TENM3: variants seen among roughly 807,000 people sequenced by gnomAD.
The protein encoded by TENM3 is teneurin-3.
In TENM3, 63 loss-of-function variants were observed where a neutral mutation model predicts 255.1. The ratio of observed to expected loss-of-function variants is 0.25; its 90% CI spans 0.20 to 0.30. The LOEUF is 0.30. TENM3 is among the 10% of genes least tolerant of loss of function. TENM3 has a pLI of 1.00. For missense variants in TENM3, 2,929 were observed against 3,461.1 expected (o/e 0.85, Z 3.86); for synonymous variants, 1,306 against 1,322.3 (o/e 0.99, Z 0.27).
At chr4:182,119,431 C>T in the TENM3 span, among the ~76,000 whole-genome samples, 1 of 151,974 alleles carries the variant, frequency 6.6e-6, no homozygotes, top group East Asian at 2.0e-4. Context: ...AGCAATTCAT[C>T]AATTACGGTT....
At chr4:182,113,142 G>GT in the TENM3 span, among the ~76,000 whole-genome samples, 15 of 152,202 alleles carry the variant, frequency 9.9e-5, no homozygotes, top group Non-Finnish European at 2.9e-5. Context: ...AGTCGGTGCA[G>GT]TTTAACAAAG....
chr4:182,616,536 A>G (rs1336302126), intron 4 of TENM3, among the ~76,000 whole-genome samples: 1 of 150,334 alleles, frequency 6.7e-6, no homozygotes, highest in Non-Finnish European at 1.5e-5. Context: ...AAAAAAAAAA[A>G]AAAGGTCAGG....
intron 3 of TENM3, among the ~76,000 whole-genome samples, chr4:182,400,981 C>T (rs1212944333): frequency 6.6e-6 from 1 of 152,316 alleles, no homozygotes; most frequent in Non-Finnish European, 1.5e-5. Flanking sequence ...CAACCCCGTG[C>T]TGCTGGTGCG....
At chr4:182,011,422 C>A in the TENM3 span, among the ~76,000 whole-genome samples, 2 of 152,158 alleles carry the variant, frequency 1.3e-5, no homozygotes, top group Non-Finnish European at 2.9e-5. Flanking sequence ...TATCTCACCA[C>A]AACTCTGATC....
At chr4:181,636,605 CTCTTGGCGCT>C in the TENM3 span, among the ~76,000 whole-genome samples, 1 of 152,188 alleles carries the variant, frequency 6.6e-6, no homozygotes, top group African/African-American at 2.4e-5. Context: ...TCAGCAGTTA[CTCTTGGCGCT>C]ACCTTCTTGA....
intron 3 of TENM3, among the ~76,000 whole-genome samples, chr4:182,517,257 A>T (rs1738064170): frequency 1.3e-5 from 2 of 152,150 alleles, no homozygotes; most frequent in African/African-American, 2.4e-5. Flanking sequence ...AAAAGTAGGG[A>T]AAAGGCTTCT....
the TENM3 span, among the ~76,000 whole-genome samples, chr4:181,577,131 T>C: frequency 2.3e-4 from 31 of 134,476 alleles, no homozygotes; most frequent in Non-Finnish European, 4.2e-4. Context: ...TTATGTGTAA[T>C]AATATAATAT....
In TENM3 at chr4:182,326,978, C is replaced by T. The variant is rs77373989; in HGVS notation, c.232+2726C>T. 4.8e-4 allele frequency among the ~76,000 whole-genome samples: 73 copies of T among 152,200 alleles called. 2 individuals carry two copies. The Middle Eastern group carries it at 0.01, about 21-fold the overall frequency. On this transcript the variant is annotated intron_variant, in intron 2 of 27. Coordinates refer to ENST00000511685, the MANE Select transcript of TENM3 (RefSeq NM_001080477.4). ...GAGGACGAGTGTGAGGGTGGCGTTG[C>T]GGATGCTTTCTCCTTCCTGTGGTTT...
At chr4:182,325,427 A>G (rs1440963907) in intron 2 of TENM3, among the ~76,000 whole-genome samples, 1 of 152,190 alleles carries the variant, frequency 6.6e-6, no homozygotes, top group Non-Finnish European at 1.5e-5. Context: ...AGATTTTTAT[A>G]CCCTAAAGCA....
the TENM3 span, among the ~76,000 whole-genome samples, chr4:182,006,755 C>T: frequency 1.3e-5 from 2 of 151,174 alleles, no homozygotes; most frequent in South Asian, 2.1e-4. Context: ...TCTTAGTTAT[C>T]GTATCTTCTG....
intron 1 of TENM3, among the ~76,000 whole-genome samples, chr4:182,250,436 G>C (rs1757943628): frequency 6.6e-6 from 1 of 152,118 alleles, no homozygotes; most frequent in Admixed American, 6.6e-5. Flanking sequence ...ATGAGGAAAT[G>C]GAATAGAAAG....
At chr4:181,918,908 A>T in the TENM3 span, among the ~76,000 whole-genome samples, 1 of 152,200 alleles carries the variant, frequency 6.6e-6, no homozygotes, top group Non-Finnish European at 1.5e-5. Context: ...AATAAATTCA[A>T]AAAATAATTA....
chr4:182,365,848 G>C (rs72699922), intron 3 of TENM3, among the ~76,000 whole-genome samples: 3,710 of 152,174 alleles, frequency 0.024, 99 homozygotes, highest in African/African-American at 0.06. Flanking sequence ...CTATATCTAG[G>C]CTACATGGTA....
the TENM3 span, among the ~76,000 whole-genome samples, chr4:181,638,544 G>T: frequency 6.6e-6 from 1 of 152,192 alleles, no homozygotes; most frequent in African/African-American, 2.4e-5. Flanking sequence ...AAATCCTGAA[G>T]TCCAAAGATC....
the TENM3 span, chr4:181,523,041 G>A: frequency 4.6e-5 from 28 of 603,470 alleles, no homozygotes; most frequent in Admixed American, 7.6e-5. Context: ...AAGGGAAATC[G>A]CAAACGGACT....
Position 182,482,316 on chromosome 4 carries a change from T to TA in TENM3, c.512-118607dup, listed in dbSNP as rs1412529277. ...TTTCAAAATAAGGATAAAGTAAACC[T>TA]AGTTATTAATATGCTTATATCTATA... is the stretch of plus-strand genomic sequence containing the variant. On this transcript the variant is annotated intron_variant, in intron 3 of 27. Coordinates refer to ENST00000511685, the MANE Select transcript of TENM3 (RefSeq NM_001080477.4). 2.6e-5 allele frequency among the ~76,000 whole-genome samples: 4 copies of TA among 152,290 alleles called. No homozygotes were observed. In the East Asian group the frequency reaches 7.7e-4, roughly 29 times the overall value.
chr4:182,150,903 A>G (rs541009647), intron 1 of TENM3, among the ~76,000 whole-genome samples: 1 of 152,204 alleles, frequency 6.6e-6, no homozygotes, highest in African/African-American at 2.4e-5. Context: ...CACACTCTGA[A>G]TAAGAGGGTG....
chr4:182,121,061 T>A, the TENM3 span, among the ~76,000 whole-genome samples: 1 of 152,120 alleles, frequency 6.6e-6, no homozygotes, highest in African/African-American at 2.4e-5. Flanking sequence ...TGCAGTGGCA[T>A]GATCTTGGCT....
chr4:181,858,774 T>G, the TENM3 span, among the ~76,000 whole-genome samples: 1 of 152,086 alleles, frequency 6.6e-6, no homozygotes, highest in Non-Finnish European at 1.5e-5. Flanking sequence ...GCCAGAGAAT[T>G]CACATGGGCT....
Sources: gnomAD v4.1 joint callset for allele counts (sites outside exome capture counted in the v4.1 genomes callset) on GRCh38, gnomAD v4.1.1 for gene constraint, MANE v1.5 for transcripts, NCBI Gene and HGNC (gene_info 2026-07-23, HGNC 2026-07-21) for gene names.